Variants in STXBP5L observed in about 807,000 individuals in gnomAD.
The protein encoded by STXBP5L is syntaxin-binding protein 5-like.
Under a neutral mutation model 144.5 loss-of-function variants are expected in STXBP5L, and 65 were observed. That is an observed-to-expected ratio of 0.45 (90% CI 0.37 to 0.55). STXBP5L has a LOEUF of 0.55. STXBP5L is among the 20% of genes least tolerant of loss of function. The pLI is 0.00. For missense variants in STXBP5L, 1,298 were observed against 1,405.5 expected (o/e 0.92, Z 1.22); for synonymous variants, 505 against 469.6 (o/e 1.08, Z -0.97).
intron 22 of STXBP5L, among the ~76,000 whole-genome samples, chr3:121,401,054 GA>G (rs1451459992): frequency 6.6e-6 from 1 of 151,852 alleles, no homozygotes; most frequent in African/African-American, 2.4e-5. Context: ...TCATTTATAT[GA>G]AATCCAAGAG....
intron 10 of STXBP5L, among the ~76,000 whole-genome samples, chr3:121,209,250 A>C (rs1399328867): frequency 6.6e-6 from 1 of 152,076 alleles, no homozygotes; most frequent in Non-Finnish European, 1.5e-5. Flanking sequence ...ATGTGTCTTT[A>C]TAGTAGAATG....
intron 9 of STXBP5L, among the ~76,000 whole-genome samples, chr3:121,177,589 T>C (rs2046985247): frequency 6.6e-6 from 1 of 152,142 alleles, no homozygotes; most frequent in Non-Finnish European, 1.5e-5. Flanking sequence ...TTAGGATGAT[T>C]ACTGTCAAAA....
At chr3:121,342,264 A>G (rs1022331919) in intron 20 of STXBP5L, among the ~76,000 whole-genome samples, 1 of 152,242 alleles carries the variant, frequency 6.6e-6, no homozygotes, top group East Asian at 1.9e-4. Context: ...TAAAAACCTA[A>G]AAGTAAATTA....
At chr3:121,087,915 T>A (rs1312279742) in intron 5 of STXBP5L, among the ~76,000 whole-genome samples, 1 of 152,126 alleles carries the variant, frequency 6.6e-6, no homozygotes, top group Non-Finnish European at 1.5e-5. Flanking sequence ...AAATTACCAG[T>A]TTGAATGAAA....
intron 20 of STXBP5L, among the ~76,000 whole-genome samples, chr3:121,318,979 G>A (rs1559971498): frequency 6.6e-6 from 1 of 152,066 alleles, no homozygotes; most frequent in African/African-American, 2.4e-5. Flanking sequence ...AAGGAAAAAT[G>A]ATGATAGAAT....
At chr3:121,001,664 T>C (rs374973427) in intron 3 of STXBP5L, among the ~76,000 whole-genome samples, 53 of 152,284 alleles carry the variant, frequency 3.5e-4, no homozygotes, top group African/African-American at 1.2e-3. Context: ...TTTAACTCAT[T>C]CTTTCTCCAG....
chr3:121,300,353 G>C (rs899232725), intron 19 of STXBP5L, among the ~76,000 whole-genome samples: 1 of 152,110 alleles, frequency 6.6e-6, no homozygotes, highest in Admixed American at 6.5e-5. Context: ...AAAAGCACTG[G>C]AAATAATAAA....
chr3:121,110,676 G>T (rs1158862857), intron 5 of STXBP5L, among the ~76,000 whole-genome samples: 1 of 151,868 alleles, frequency 6.6e-6, no homozygotes, highest in Admixed American at 6.6e-5. Flanking sequence ...CTTTCATTTC[G>T]ACCTTACAGA....
At chr3:121,058,533 T>C (rs1018672365) in intron 5 of STXBP5L, among the ~76,000 whole-genome samples, 6 of 152,226 alleles carry the variant, frequency 3.9e-5, no homozygotes, top group Non-Finnish European at 7.3e-5. Context: ...TGATTCTAGA[T>C]CCTTGAAGAA....
chr3:121,016,876 C>G (rs1487541437), intron 3 of STXBP5L, among the ~76,000 whole-genome samples: 7 of 152,154 alleles, frequency 4.6e-5, no homozygotes, highest in Non-Finnish European at 7.4e-5. Flanking sequence ...AAAATTATAT[C>G]AGTTCTCTGT....
At chr3:120,987,628 A>T (rs1942414157) in intron 3 of STXBP5L, among the ~76,000 whole-genome samples, 1 of 151,920 alleles carries the variant, frequency 6.6e-6, no homozygotes, top group Non-Finnish European at 1.5e-5. Flanking sequence ...AGTTTTTTAA[A>T]AAATAGATTG....
At chr3:121,078,859 G>C (rs900887001) in intron 5 of STXBP5L, among the ~76,000 whole-genome samples, 1 of 152,252 alleles carries the variant, frequency 6.6e-6, no homozygotes, top group South Asian at 2.1e-4. Flanking sequence ...TGCGGGGCCC[G>C]CCAAGCCCAT....
chr3:120,934,524 CT>C (rs1422662641), intron 2 of STXBP5L, among the ~76,000 whole-genome samples: 2 of 152,034 alleles, frequency 1.3e-5, no homozygotes, highest in Non-Finnish European at 2.9e-5. Flanking sequence ...GATGATGGTA[CT>C]TTTAACTTTT....
intron 3 of STXBP5L, among the ~76,000 whole-genome samples, chr3:120,962,191 G>A (rs903455561): frequency 3.9e-5 from 6 of 152,216 alleles, no homozygotes; most frequent in Non-Finnish European, 5.9e-5. Flanking sequence ...TTGTCAGATA[G>A]GTAGATTGCA....
At chr3:121,015,578 T>TTCCAGTA (rs927533036) in intron 3 of STXBP5L, among the ~76,000 whole-genome samples, 84 of 152,316 alleles carry the variant, frequency 5.5e-4, no homozygotes, top group Middle Eastern at 3.4e-3. Context: ...TACTGAAATG[T>TTCCAGTA]TCGGGAACCC....
At chr3:121,182,195 A>G (rs2047184009) in intron 9 of STXBP5L, among the ~76,000 whole-genome samples, 1 of 152,200 alleles carries the variant, frequency 6.6e-6, no homozygotes. Flanking sequence ...TTTACAGAAC[A>G]TTCAACCCAA....
chr3:121,349,197 G>A (rs1172109830), intron 20 of STXBP5L, among the ~76,000 whole-genome samples: 1 of 152,056 alleles, frequency 6.6e-6, no homozygotes, highest in Non-Finnish European at 1.5e-5. Flanking sequence ...CTTTATTTCT[G>A]CCTTCATTTT....
At chr3:121,167,951 G>A (rs1400584073) in intron 9 of STXBP5L, among the ~76,000 whole-genome samples, 1 of 152,136 alleles carries the variant, frequency 6.6e-6, no homozygotes, top group African/African-American at 2.4e-5. Flanking sequence ...GCATCTGGTG[G>A]GTGCCCCTCT....
At chr3:120,943,869 A>T (rs1710699784) in intron 2 of STXBP5L, among the ~76,000 whole-genome samples, 1 of 144,878 alleles carries the variant, frequency 6.9e-6, no homozygotes. Flanking sequence ...TATATAGTTT[A>T]TTTTTCTCTC....
Sources: gnomAD v4.1 joint callset for allele counts (sites outside exome capture counted in the v4.1 genomes callset) on GRCh38, gnomAD v4.1.1 for gene constraint, MANE v1.5 for transcripts, NCBI Gene and HGNC (gene_info 2026-07-23, HGNC 2026-07-21) for gene names.